XKR4: variants seen among roughly 807,000 people sequenced by gnomAD.
XKR4 encodes XK related 4.
In XKR4, 12 loss-of-function variants were observed where a neutral mutation model predicts 53.9. The observed-to-expected ratio is 0.22, with a 90% CI of 0.14 to 0.36. The LOEUF is 0.36. XKR4 is among the 10% of genes least tolerant of loss of function. The pLI is 1.00. For missense variants in XKR4, 799 were observed against 859.5 expected (o/e 0.93, Z 0.88); for synonymous variants, 354 against 362.4 (o/e 0.98, Z 0.26).
chr8:55,176,586 G>C (rs769164827), intron 1 of XKR4, among the ~76,000 whole-genome samples: 5 of 152,136 alleles, frequency 3.3e-5, no homozygotes, highest in Non-Finnish European at 7.4e-5. Context: ...CACCAGACAC[G>C]CACAAGACAT....
At chr8:55,384,216 G>C (rs988457745) in intron 2 of XKR4, among the ~76,000 whole-genome samples, 2 of 152,180 alleles carry the variant, frequency 1.3e-5, no homozygotes. Context: ...ACAGGAGCTC[G>C]GAGGCTAAGT....
At position 55,540,251 on chromosome 8, in the gene XKR4, T is replaced by A. The variant is rs1807081525; in HGVS notation, c.*16024T>A. ...ATGTATTAATTGTGGTCAATTTTCA[T>A]GGATATTTCCCATTAACATTGTATT... On this transcript the variant is annotated 3_prime_UTR_variant, in exon 3 of 3. Coordinates refer to ENST00000327381, the MANE Select transcript of XKR4 (RefSeq NM_052898.2). 6.6e-6 allele frequency: 1 copy of A among 152,246 alleles called. No homozygotes were observed. Among genetic ancestry groups the A allele is most frequent in the Admixed American group, 6.5e-5 (1 of 15,278 alleles). 9.4% of individuals were successfully genotyped at this position (152,246 alleles called of 1,614,324 possible).
At chr8:55,257,456 GAGAGAGAGAA>G (rs1585971234) in intron 1 of XKR4, among the ~76,000 whole-genome samples, 2 of 151,948 alleles carry the variant, frequency 1.3e-5, no homozygotes, top group African/African-American at 4.8e-5. Flanking sequence ...ATGAGAGAGA[GAGAGAGAGAA>G]AGAGAGAGAA....
At chr8:55,384,277 A>G (rs1374307827) in intron 2 of XKR4, among the ~76,000 whole-genome samples, 5 of 152,242 alleles carry the variant, frequency 3.3e-5, no homozygotes, top group Non-Finnish European at 7.3e-5. Flanking sequence ...AAAAGGCATG[A>G]GCAAAACCAG....
intron 1 of XKR4, among the ~76,000 whole-genome samples, chr8:55,274,967 G>A (rs1001996349): frequency 1.3e-5 from 2 of 152,102 alleles, no homozygotes; most frequent in Non-Finnish European, 2.9e-5. Context: ...CTCCTGTATT[G>A]AAACTAATCT....
intron 2 of XKR4, among the ~76,000 whole-genome samples, chr8:55,432,982 G>A (rs756494643): frequency 1.3e-5 from 2 of 152,140 alleles, no homozygotes; most frequent in Non-Finnish European, 2.9e-5. Context: ...CCTGCCCTCT[G>A]TGTCCAGCCT....
chr8:55,345,835 G>A (rs1330237840), intron 1 of XKR4, among the ~76,000 whole-genome samples: 1 of 152,118 alleles, frequency 6.6e-6, no homozygotes, highest in African/African-American at 2.4e-5. Flanking sequence ...TACTCTCAGG[G>A]TGGAAGACAG....
intron 1 of XKR4, among the ~76,000 whole-genome samples, chr8:55,281,214 C>T (rs1001748384): frequency 2.6e-5 from 4 of 152,140 alleles, no homozygotes; most frequent in African/African-American, 9.7e-5. Flanking sequence ...TAATTATTCA[C>T]GTATTTTAAA....
At chr8:55,199,373 T>G (rs959216795) in intron 1 of XKR4, among the ~76,000 whole-genome samples, 5 of 152,238 alleles carry the variant, frequency 3.3e-5, no homozygotes, top group African/African-American at 1.2e-4. Context: ...TGTGTGTAGT[T>G]CATAGATAAT....
chr8:55,483,917 A>G (rs1359847342), intron 2 of XKR4, among the ~76,000 whole-genome samples: 2 of 152,200 alleles, frequency 1.3e-5, no homozygotes, highest in African/African-American at 2.4e-5. Flanking sequence ...GTTCTTTGAA[A>G]AGATCAATAA....
intron 1 of XKR4, chr8:55,135,400 A>G: frequency 3.2e-6 from 1 of 313,452 alleles, no homozygotes. Context: ...CATAGTAGAT[A>G]TGCAATATAT....
At chr8:55,162,439 G>A (rs1025332836) in intron 1 of XKR4, among the ~76,000 whole-genome samples, 3 of 152,134 alleles carry the variant, frequency 2.0e-5, no homozygotes, top group African/African-American at 7.2e-5. Context: ...AATGAACTAT[G>A]TTTCTTAAAT....
chr8:55,133,914 C>G (rs2129353350), intron 1 of XKR4, among the ~76,000 whole-genome samples: 1 of 152,332 alleles, frequency 6.6e-6, no homozygotes, highest in South Asian at 2.1e-4. Flanking sequence ...AGAAGCTTCT[C>G]AGCTGTGCAT....
intron 1 of XKR4, among the ~76,000 whole-genome samples, chr8:55,209,203 A>ATG (rs77094773): frequency 0.14 from 20,623 of 148,998 alleles, 3,211 homozygotes; most frequent in African/African-American, 0.39. Context: ...CAGTGTGTTT[A>ATG]TGTGTGTGTG....
rs1418801179 is a variant in XKR4, at chr8:55,534,363, C to CGT, written c.*10136_*10137insGT. On this transcript the variant is annotated 3_prime_UTR_variant, in exon 3 of 3. Coordinates refer to ENST00000327381, the MANE Select transcript of XKR4 (RefSeq NM_052898.2). Reference sequence around the variant, plus strand: ...GCTCAAAGATCACGAATCTGATATTCTTTTTTTTTTTTTTTTTTTTTTTTT... The same window carrying CGT: ...GCTCAAAGATCACGAATCTGATATTCGTTTTTTTTTTTTTTTTTTTTTTTTTT... 3 of 47,134 alleles carry CGT rather than the reference C, an allele frequency of 6.4e-5. No individual in the cohort carries two copies. The highest frequency in any genetic ancestry group is 1.1e-4 in the Non-Finnish European group (3 of 26,632). 2.9% of individuals were successfully genotyped at this position (47,134 alleles called of 1,614,324 possible).
intron 1 of XKR4, among the ~76,000 whole-genome samples, chr8:55,215,020 T>A (rs1432353845): frequency 2.0e-5 from 3 of 152,192 alleles, no homozygotes; most frequent in Non-Finnish European, 2.9e-5. Flanking sequence ...ATATTGTGAA[T>A]TTTTAACATC....
intron 1 of XKR4, among the ~76,000 whole-genome samples, chr8:55,320,544 G>T (rs577627476): frequency 6.6e-6 from 1 of 152,206 alleles, no homozygotes; most frequent in Non-Finnish European, 1.5e-5. Context: ...CACGGTATTT[G>T]GCCTTCTTTT....
intron 1 of XKR4, among the ~76,000 whole-genome samples, chr8:55,239,817 T>G (rs1242085941): frequency 6.6e-6 from 1 of 152,220 alleles, no homozygotes; most frequent in African/African-American, 2.4e-5. Flanking sequence ...AAAAGTGGCC[T>G]CCTACACACC....
intron 1 of XKR4, among the ~76,000 whole-genome samples, chr8:55,170,765 A>T (rs929834037): frequency 3.1e-4 from 47 of 152,212 alleles, no homozygotes; most frequent in African/African-American, 1.1e-3. Context: ...CAGCAAACCA[A>T]AGATGGATCA....
Sources: gnomAD v4.1 joint callset for allele counts (sites outside exome capture counted in the v4.1 genomes callset) on GRCh38, gnomAD v4.1.1 for gene constraint, MANE v1.5 for transcripts, NCBI Gene and HGNC (gene_info 2026-07-23, HGNC 2026-07-21) for gene names.